The following ARID5B variants were observed in gnomAD, a reference collection of about 807,000 sequenced individuals.
ARID5B encodes AT-rich interaction domain 5B.
A neutral mutation model predicts 97.2 loss-of-function variants in ARID5B; 13 were observed. The observed-to-expected ratio is 0.13, with a 90% CI of 0.09 to 0.21. The LOEUF is 0.21. Among genes scored for constraint, ARID5B ranks in the 10% least tolerant of loss-of-function variants. The pLI, the probability that ARID5B is intolerant of heterozygous loss-of-function variation, is 1.00. For missense variants in ARID5B, 1,210 were observed against 1,465.3 expected, an observed-to-expected ratio of 0.83 and a Z score of 2.84; for synonymous variants, 556 against 570.3, an observed-to-expected ratio of 0.97 and a Z score of 0.36.
chr10:62,092,960 C>T lies in ARID5B; in HGVS notation c.3497C>T (p.Ala1166Val), dbSNP rs979495140. The change falls in exon 10 of 10, where the codon GCT becomes GTT. Residue 1166 changes from alanine to valine, a missense_variant. By Grantham distance (64) the Ala-to-Val change is moderately conservative. This residue lies in a region of ARID5B where 54 missense variants were observed against 67.4 expected (regional missense o/e 0.80). Coordinates refer to ENST00000279873, the MANE Select transcript of ARID5B (RefSeq NM_032199.3). ...DLLHNSIYPL[A>V]AINPQAAFPS... ...TTGCATAACAGCATTTACCCTTTAG[C>T]TGCTATAAATCCTCAAGCTGCCTTT... 8 of 1,614,114 alleles carry T rather than the reference C, an allele frequency of 5.0e-6. No homozygotes were observed. The highest frequency in any genetic ancestry group is 1.1e-5 in the South Asian group (1 of 91,086).
chr10:61,967,333 A>G (rs967790990), intron 3 of ARID5B, among the ~76,000 whole-genome samples: 5 of 152,228 alleles, frequency 3.3e-5, no homozygotes, highest in African/African-American at 1.2e-4. Context: ...GAAGAAGCTT[A>G]TCTTACCGGT....
chr10:62,037,544 A>G (rs1178196986), intron 4 of ARID5B, among the ~76,000 whole-genome samples: 1 of 152,182 alleles, frequency 6.6e-6, no homozygotes, highest in Non-Finnish European at 1.5e-5. Flanking sequence ...GCAAAATATC[A>G]TTTTTCATTC....
chr10:62,071,070 T>C (rs1034524976), intron 8 of ARID5B, among the ~76,000 whole-genome samples: 1 of 139,132 alleles, frequency 7.2e-6, no homozygotes, highest in African/African-American at 2.7e-5. Context: ...GGAGTCTTCC[T>C]CTGTCACCAG....
chr10:61,995,856 A>G (rs1353946204), intron 3 of ARID5B, among the ~76,000 whole-genome samples: 2 of 152,104 alleles, frequency 1.3e-5, no homozygotes, highest in African/African-American at 4.8e-5. Context: ...CAGTTTGGTA[A>G]ATATTAAAGG....
chr10:62,020,279 A>C, intron 4 of ARID5B, among the ~76,000 whole-genome samples: 1 of 152,330 alleles, frequency 6.6e-6, no homozygotes, highest in South Asian at 2.1e-4. Flanking sequence ...TTAATGACTC[A>C]TGTGAACAAT....
Position 62,091,588 on chromosome 10 carries a change from C to G in ARID5B, c.2125C>G (p.Pro709Ala). ...TGGGGCCAGCCTCTCCAGCAGCTAC[C>G]CTTATGGCTCCCCACCCCCTTTGAT... ...VSGASLSSSYPYGSPPPLISK... is the reference protein window; with the variant it reads ...VSGASLSSSYAYGSPPPLISK... The change falls in exon 10 of 10, where the codon CCT becomes GCT. Residue 709 changes from proline to alanine, a missense_variant. Coordinates refer to ENST00000279873, the MANE Select transcript of ARID5B (RefSeq NM_032199.3). The G allele has an allele frequency of 1.9e-6, 3 of 1,612,784 alleles. No homozygotes were observed. The highest frequency in any genetic ancestry group is 1.7e-4 in the Middle Eastern group (1 of 6,054).
intron 7 of ARID5B, among the ~76,000 whole-genome samples, chr10:62,064,572 T>A (rs1275898360): frequency 6.6e-6 from 1 of 152,210 alleles, no homozygotes; most frequent in African/African-American, 2.4e-5. Flanking sequence ...TGTCTTGAGC[T>A]AAAATAGTGA....
intron 2 of ARID5B, among the ~76,000 whole-genome samples, chr10:61,919,050 C>T (rs1052276295): frequency 9.1e-6 from 1 of 109,452 alleles, no homozygotes; most frequent in Admixed American, 8.7e-5. Flanking sequence ...CCCCCCCCCC[C>T]CCAAAAAAAT....
At chr10:61,922,559 T>G (rs1844035537) in intron 2 of ARID5B, among the ~76,000 whole-genome samples, 1 of 152,164 alleles carries the variant, frequency 6.6e-6, no homozygotes, top group Non-Finnish European at 1.5e-5. Flanking sequence ...GCCGAGATCA[T>G]GCCACTGCAC....
chr10:61,929,970 C>T (rs142309176), intron 2 of ARID5B, among the ~76,000 whole-genome samples: 43 of 152,292 alleles, frequency 2.8e-4, no homozygotes, highest in African/African-American at 9.6e-4. Context: ...TGTGCAGTTC[C>T]GCTGAGCTTG....
intron 3 of ARID5B, among the ~76,000 whole-genome samples, chr10:61,998,453 G>A (rs1839032112): frequency 6.6e-6 from 1 of 152,174 alleles, no homozygotes; most frequent in African/African-American, 2.4e-5. Context: ...ATGGCAAACT[G>A]GGTCATGGAG....
chr10:62,041,894 A>T (rs1044026433), intron 4 of ARID5B, among the ~76,000 whole-genome samples: 1 of 152,236 alleles, frequency 6.6e-6, no homozygotes, highest in African/African-American at 2.4e-5. Flanking sequence ...TGTTGCTTTC[A>T]CTTCTGTGCT....
At chr10:62,007,883 T>A (rs1839165855) in intron 4 of ARID5B, among the ~76,000 whole-genome samples, 1 of 152,116 alleles carries the variant, frequency 6.6e-6, no homozygotes, top group Non-Finnish European at 1.5e-5. Context: ...GGCTCAAATA[T>A]CTCCTCCCCA....
intron 2 of ARID5B, among the ~76,000 whole-genome samples, chr10:61,934,956 T>A (rs1844272841): frequency 6.7e-6 from 1 of 149,098 alleles, no homozygotes; most frequent in African/African-American, 2.5e-5. Flanking sequence ...GAGGTTGCAG[T>A]GAGCCGAGAT....
At chr10:61,988,007 G>A (rs7920680) in intron 3 of ARID5B, among the ~76,000 whole-genome samples, 148,629 of 152,328 alleles carry the variant, frequency 0.98, 72,600 homozygotes, top group East Asian at 1. Context: ...GGGAAAGGTG[G>A]CTAAACTAGA....
At chr10:62,013,128 C>T (rs10995008) in intron 4 of ARID5B, among the ~76,000 whole-genome samples, 13,180 of 152,130 alleles carry the variant, frequency 0.087, 900 homozygotes, top group African/African-American at 0.17. Context: ...TCCAGAGTTT[C>T]GCCTGGGCTC....
In ARID5B at chr10:62,091,647, G is replaced by C. The variant is rs781739297; in HGVS notation, c.2184G>C (p.Leu728Phe). 2 of 1,614,160 alleles carry C rather than the reference G, an allele frequency of 1.2e-6. No individual in the cohort carries two copies. The highest frequency in any genetic ancestry group is 1.7e-6 in the Non-Finnish European group (2 of 1,180,040). ...SKKKLIARDDLCSSLSQTHHG... is the reference protein window; with the variant it reads ...SKKKLIARDDFCSSLSQTHHG... ...AGAAACTGATTGCTAGGGATGACTT[G>C]TGTTCCAGTTTGTCCCAGACCCACC... Residue 728 changes from leucine to phenylalanine, a missense_variant, in exon 10 of 10, where the codon TTG becomes TTC. Coordinates refer to ENST00000279873, the MANE Select transcript of ARID5B (RefSeq NM_032199.3).
At chr10:61,969,001 A>G (rs181988341) in intron 3 of ARID5B, among the ~76,000 whole-genome samples, 30 of 152,348 alleles carry the variant, frequency 2.0e-4, no homozygotes, top group African/African-American at 7.2e-4. Flanking sequence ...GAGGCCTTCC[A>G]TCCACATGAA....
intron 7 of ARID5B, among the ~76,000 whole-genome samples, chr10:62,067,762 G>A (rs1840013004): frequency 6.6e-6 from 1 of 152,254 alleles, no homozygotes; most frequent in South Asian, 2.1e-4. Flanking sequence ...CATTGGGCAA[G>A]TGTGCAGCCT....
Sources: allele counts gnomAD v4.1 joint callset (sites outside exome capture counted in the v4.1 genomes callset), GRCh38; gene constraint gnomAD v4.1.1; regional missense constraint gnomAD v4.1.1; transcripts MANE v1.5; gene names NCBI Gene and HGNC (gene_info 2026-07-23, HGNC 2026-07-21).